The following NOL8 variants were observed in gnomAD, a reference collection of about 807,000 sequenced individuals.
NOL8 encodes nucleolar protein Nop132.
Under a neutral mutation model 116.1 loss-of-function variants are expected in NOL8, and 93 were observed. That is an observed-to-expected ratio of 0.80 (90% CI 0.68 to 0.95). The LOEUF (loss-of-function observed/expected upper bound fraction) is 0.95, where lower values mean the gene tolerates loss of function less well. Among genes scored for constraint, NOL8 ranks in the 40% least tolerant of loss-of-function variants. The pLI, the probability that NOL8 is intolerant of heterozygous loss-of-function variation, is 0.00. For missense variants in NOL8, 1,291 were observed against 1,382.8 expected, an observed-to-expected ratio of 0.93 and a Z score of 1.05; for synonymous variants, 419 against 469.0, an observed-to-expected ratio of 0.89 and a Z score of 1.38.
chr9:92,322,856 C>T (rs1408955042), intron 3 of NOL8: 1 of 152,176 alleles, frequency 6.6e-6, no homozygotes, highest in Non-Finnish European at 1.5e-5. Flanking sequence ...GACTGATTGC[C>T]CTCTTCCTCT....
chr9:92,307,011 C>G lies in NOL8; in HGVS notation c.2700G>C (p.Lys900Asn), dbSNP rs2134103480. The change falls in exon 11 of 17, where the codon AAG becomes AAC. Residue 900 changes from lysine to asparagine, a missense_variant. Coordinates refer to ENST00000442668, the MANE Select transcript of NOL8 (RefSeq NM_017948.6). ...CAAGCTCTTCTTCCTCAGCAGTTTTCTTTTCATTTACCTCTTTGAGGAAAA... is the reference window on the plus strand; with the variant it reads ...CAAGCTCTTCTTCCTCAGCAGTTTTGTTTTCATTTACCTCTTTGAGGAAAA... ...SEEEQEEVNEKKTAEEEELAE... is the reference protein window; with the variant it reads ...SEEEQEEVNENKTAEEEELAE... 6.2e-7 allele frequency: 1 copy of G among 1,610,004 alleles called. No homozygotes were observed. The highest frequency in any genetic ancestry group is 2.2e-5 in the East Asian group (1 of 44,828).
rs1289289677 is a variant in NOL8 at position 92,321,667 on chromosome 9, C to A, written c.281+1G>T. On this transcript the variant is annotated splice_donor_variant, in intron 4 of 16. Coordinates refer to ENST00000442668, the MANE Select transcript of NOL8 (RefSeq NM_017948.6). LOFTEE classifies it high-confidence loss of function. ...TTAAATCCATGTGGAGCAAAACTTA[C>A]CTGTGCAGAAAGCTTTCTTTTGCTA... is the stretch of plus-strand genomic sequence containing the variant. 1 of 1,521,742 alleles carries A rather than the reference C, an allele frequency of 6.6e-7. No individual in the cohort carries two copies. Among genetic ancestry groups the A allele is most frequent in the Admixed American group, 2.3e-5 (1 of 43,014 alleles). 94.3% of individuals were successfully genotyped at this position (1,521,742 alleles called of 1,614,324 possible).
intron 12 of NOL8, among the ~76,000 whole-genome samples, chr9:92,302,707 G>T (rs1414860284): frequency 6.6e-6 from 1 of 152,164 alleles, no homozygotes; most frequent in Non-Finnish European, 1.5e-5. Context: ...TCAAGGGGTG[G>T]AAGTTAATTC....
In NOL8 at chr9:92,314,847, A is replaced by T. The variant is rs779441337; in HGVS notation, c.1778T>A (p.Val593Asp). 1.9e-6 allele frequency: 3 copies of T among 1,613,222 alleles called. No homozygotes were observed. In the African/African-American group the frequency reaches 4.0e-5, roughly 22 times the overall value. The change falls in exon 7 of 17, where the codon GTT becomes GAT. Residue 593 changes from valine (V) to aspartate (D), a missense_variant. Physicochemically the swap from Val to Asp is radical, Grantham distance 152 (BLOSUM62 -3). Coordinates refer to ENST00000442668, the MANE Select transcript of NOL8 (RefSeq NM_017948.6). ...ESMKKSLKDS[V>D]ASNNKDQNSM... ...ATTCTGATCTTTATTGTTAGAGGCA[A>T]CACTGTCTTTCAAGGATTTTTTCAT... is the stretch of plus-strand genomic sequence containing the variant.
rs369310367 is a variant in NOL8, at chr9:92,314,999, C to T, written c.1626G>A (p.Ala542=). Reference sequence around the variant, plus strand: ...CTTCTAACAGGGAAGCCACAATCTCCGCAGGACGAATACACTGTCGGCCTC... The same window carrying T: ...CTTCTAACAGGGAAGCCACAATCTCTGCAGGACGAATACACTGTCGGCCTC... The part of the protein sequence containing the change: ...LRRGRQCIRP[A]EIVASLLEGE... Residue 542 remains alanine, a synonymous_variant, in exon 7 of 17, where the codon GCG becomes GCA. Transcript: ENST00000442668. The T allele has an allele frequency of 4.0e-5, 64 of 1,614,000 alleles. No homozygotes were observed. In the African/African-American group the frequency reaches 4.7e-4, roughly 12 times the overall value.
chr9:92,311,080 C>T, intron 8 of NOL8, 66 bp downstream of exon 8: 2 of 1,264,322 alleles, frequency 1.6e-6, no homozygotes, highest in Non-Finnish European at 2.3e-6. Context: ...TTGAGATTGC[C>T]AGTTGTTTGT....
chr9:92,323,337 T>A, intron 3 of NOL8, 104 bp downstream of exon 3: 1 of 1,544,696 alleles, frequency 6.5e-7, no homozygotes, highest in South Asian at 1.2e-5. Context: ...TCCCTCTGGA[T>A]AACGTGAAAA....
chr9:92,317,349 T>C (rs1388732566), intron 6 of NOL8, among the ~76,000 whole-genome samples: 4 of 152,222 alleles, frequency 2.6e-5, no homozygotes, highest in Non-Finnish European at 4.4e-5. Context: ...GTCTATTGTC[T>C]CTACTGTCCT....
intron 7 of NOL8, among the ~76,000 whole-genome samples, chr9:92,313,927 T>G (rs1486572318): frequency 6.6e-6 from 1 of 152,176 alleles, no homozygotes; most frequent in Non-Finnish European, 1.5e-5. Flanking sequence ...GCACTTACTA[T>G]AAAGGTGTAC....
Position 92,314,353 on chromosome 9 carries a change from T to A in NOL8, c.2272A>T (p.Asn758Tyr). ...VSAKDKHAED[N>Y]EKRLAALEAR... is the part of the protein sequence containing the mutation. ...TCCAAGGCTGCCAAACGCTTCTCAT[T>A]GTCTTCAGCATGCTTATCTTTAGCA... Residue 758 changes from asparagine (N) to tyrosine (Y), a missense_variant, in exon 7 of 17, where the codon AAT (asparagine) becomes TAT (tyrosine). By Grantham distance (143) the Asn-to-Tyr change is moderately radical. Transcript: ENST00000442668. 6.2e-7 allele frequency: 1 copy of A among 1,612,578 alleles called. No homozygotes were observed. Among genetic ancestry groups the A allele is most frequent in the Non-Finnish European group, 8.5e-7 (1 of 1,178,714 alleles).
intron 6 of NOL8, among the ~76,000 whole-genome samples, chr9:92,317,308 T>C (rs1839501875): frequency 1.3e-5 from 2 of 152,346 alleles, no homozygotes; most frequent in Non-Finnish European, 1.5e-5. Context: ...TACTTATATG[T>C]GCCAGTTATA....
intron 1 of NOL8, 149 bp from the exon 2 acceptor site, chr9:92,324,358 G>T: frequency 1.6e-6 from 1 of 612,294 alleles, no homozygotes; most frequent in Non-Finnish European, 2.7e-6. Context: ...TCGAGGTTTT[G>T]CCCAAGCCCT....
At chr9:92,323,588 A>T (rs75489638) in intron 2 of NOL8, 85 bp from the exon 3 acceptor site, 71 of 540,126 alleles carry the variant, frequency 1.3e-4, no homozygotes, top group South Asian at 5.9e-4. Context: ...TTTCTAAATT[A>T]AAAAAAAAAA....
chr9:92,299,815 A>G, intron 14 of NOL8, 75 bp downstream of exon 14: 2 of 1,485,884 alleles, frequency 1.3e-6, no homozygotes, highest in Non-Finnish European at 1.8e-6. Context: ...AAGAGAAGCT[A>G]AAATATTTCT....
intron 4 of NOL8, 40 bp downstream of exon 4, chr9:92,321,627 TA>T (rs760544975): frequency 1.5e-4 from 172 of 1,133,912 alleles, no homozygotes; most frequent in Admixed American, 2.3e-4. Context: ...ACTTACAATA[TA>T]AAAAAAATAG....
chr9:92,300,799 CAG>C, intron 13 of NOL8: 1 of 1,075,734 alleles, frequency 9.3e-7, no homozygotes, highest in African/African-American at 1.7e-5. Context: ...GCCTGGGTGA[CAG>C]AGACTCTGTC....
Position 92,310,446 on chromosome 9 carries a change from C to A in NOL8, c.2595+107G>T. On this transcript the variant is annotated intron_variant, in intron 9 of 16. Coordinates refer to ENST00000442668, the MANE Select transcript of NOL8 (RefSeq NM_017948.6). The stretch of plus-strand genomic sequence containing the variant: ...AGACTCACTCTCCAAATAAACACCC[C>A]GATGCTATAATGTAGGTTAAGGTCT... 4.5e-6 allele frequency: 6 copies of A among 1,330,786 alleles called. No homozygotes were observed. In the South Asian group the frequency reaches 6.9e-5, roughly 15 times the overall value. 82.4% of individuals were successfully genotyped at this position (1,330,786 alleles called of 1,614,324 possible). A position where few individuals can be genotyped will look rare whatever the true frequency, so the allele number is the denominator to read the frequency against.
intron 7 of NOL8, among the ~76,000 whole-genome samples, chr9:92,312,446 T>TA (rs34116665): frequency 0.027 from 1,559 of 57,548 alleles, 64 homozygotes; most frequent in Non-Finnish European, 0.037. Context: ...TGAGACCCTG[T>TA]AAAAAAAAAA....
chr9:92,315,636 TCA>T lies in NOL8; in HGVS notation c.987_988del (p.Glu330LysfsTer2). On this transcript the variant is annotated frameshift_variant, in exon 7 of 17. Transcript: ENST00000442668. LOFTEE classifies it high-confidence loss of function. Reference sequence around the variant, plus strand: ...CCTTACAACTTCAAAAGGATCACTTTCAGATTCATTTATTGAGGGTTGTGTAG... The same window carrying T: ...CCTTACAACTTCAAAAGGATCACTTTGATTCATTTATTGAGGGTTGTGTAG... 6.2e-7 allele frequency: 1 copy of T among 1,613,402 alleles called. No individual in the cohort carries two copies. The highest frequency in any genetic ancestry group is 1.1e-5 in the South Asian group (1 of 90,984).
Sources: allele counts gnomAD v4.1 joint callset (sites outside exome capture counted in the v4.1 genomes callset), GRCh38; gene constraint gnomAD v4.1.1; transcripts MANE v1.5; gene names NCBI Gene and HGNC (gene_info 2026-07-23, HGNC 2026-07-21).